Variants in LPP observed in about 807,000 individuals in gnomAD.
The protein encoded by LPP is LIM domain containing preferred translocation partner in lipoma.
A neutral mutation model predicts 60.4 loss-of-function variants in LPP; 38 were observed. That is an observed-to-expected ratio of 0.63 (90% confidence interval 0.49 to 0.83). The LOEUF (loss-of-function observed/expected upper bound fraction) is 0.83, where lower values mean the gene tolerates loss of function less well. Among genes scored for constraint, LPP ranks in the 40% least tolerant of loss-of-function variants. LPP has a pLI of 0.00. For synonymous variants in LPP, 328 were observed against 290.8 expected (o/e 1.13, Z -1.30); for missense variants, 902 against 783.6 (o/e 1.15, Z -1.80).
rs143003983 is a variant in LPP at position 188,751,089 on chromosome 3, A to T, written c.1241-9024A>T. Among the ~76,000 whole-genome samples, 173 of 152,354 alleles carry T rather than the reference A, an allele frequency of 1.1e-3. 2 individuals carry two copies. Among genetic ancestry groups the T allele is most frequent in the African/African-American group, 3.9e-3 (164 of 41,580 alleles). ...ATAAAGCACTAGACAAATATAAGGG[A>T]TGCTTGATGACTTCACAGAGGGAAG... On this transcript the variant is annotated intron_variant, in intron 8 of 11. Coordinates refer to ENST00000617246, the MANE Select transcript of LPP (RefSeq NM_001375462.1).
At chr3:188,163,277 G>A (rs558383016) in intron 1 of LPP, among the ~76,000 whole-genome samples, 2 of 152,196 alleles carry the variant, frequency 1.3e-5, no homozygotes, top group Non-Finnish European at 2.9e-5. Context: ...AGAAACTTGT[G>A]TGGGAACCTT....
intron 5 of LPP, among the ~76,000 whole-genome samples, chr3:188,515,321 G>A (rs1817044371): frequency 6.6e-6 from 1 of 152,056 alleles, no homozygotes; most frequent in Non-Finnish European, 1.5e-5. Flanking sequence ...ATATGACATG[G>A]TAGCTCCCTG....
At chr3:188,728,881 A>G (rs1223174813) in intron 8 of LPP, among the ~76,000 whole-genome samples, 4 of 152,132 alleles carry the variant, frequency 2.6e-5, no homozygotes. Context: ...TTCTGAAAAA[A>G]AAAAAAATGT....
At chr3:188,199,809 G>A (rs938460693) in intron 1 of LPP, among the ~76,000 whole-genome samples, 1 of 151,768 alleles carries the variant, frequency 6.6e-6, no homozygotes, top group Admixed American at 6.6e-5. Context: ...CCCCCTCCCA[G>A]GTTCAAGACA....
At chr3:188,800,544 C>A (rs1195313117) in intron 9 of LPP, among the ~76,000 whole-genome samples, 1 of 152,090 alleles carries the variant, frequency 6.6e-6, no homozygotes, top group Non-Finnish European at 1.5e-5. Flanking sequence ...CACACCCGGC[C>A]AAAACTTTCT....
intron 7 of LPP, among the ~76,000 whole-genome samples, chr3:188,682,674 G>A (rs865868083): frequency 4.3e-4 from 65 of 152,278 alleles, no homozygotes; most frequent in African/African-American, 1.5e-3. Context: ...GTTGGCAAGC[G>A]GAGTAAACAC....
intron 8 of LPP, among the ~76,000 whole-genome samples, chr3:188,715,422 G>T (rs1276969066): frequency 2.1e-5 from 3 of 140,812 alleles, no homozygotes; most frequent in Admixed American, 7.1e-5. Context: ...ATGGGGCGAT[G>T]AAGTAGCTGT....
intron 4 of LPP, among the ~76,000 whole-genome samples, chr3:188,418,879 AG>A (rs1467983915): frequency 1.3e-5 from 2 of 152,286 alleles, no homozygotes; most frequent in Admixed American, 1.3e-4. Context: ...TTCAGATATC[AG>A]GGGTAGTTTT....
At chr3:188,386,990 G>T (rs1778471697) in intron 3 of LPP, among the ~76,000 whole-genome samples, 1 of 152,042 alleles carries the variant, frequency 6.6e-6, no homozygotes, top group South Asian at 2.1e-4. Context: ...AGTCTAGAGA[G>T]CTGGGTTCTA....
At chr3:188,769,453 C>A (rs1287787002) in intron 9 of LPP, among the ~76,000 whole-genome samples, 2 of 152,160 alleles carry the variant, frequency 1.3e-5, no homozygotes, top group African/African-American at 4.8e-5. Context: ...GAGGCACAGA[C>A]CTGTAAGTGG....
intron 9 of LPP, among the ~76,000 whole-genome samples, chr3:188,814,184 T>A (rs1751856757): frequency 6.6e-6 from 1 of 152,152 alleles, no homozygotes; most frequent in African/African-American, 2.4e-5. Context: ...TGTTAATAGA[T>A]GCTAAAGGAC....
chr3:188,538,469 T>C (rs889097207), intron 6 of LPP, among the ~76,000 whole-genome samples: 1 of 152,138 alleles, frequency 6.6e-6, no homozygotes, highest in Admixed American at 6.5e-5. Context: ...ATCAAGGAAA[T>C]GCAAGTCAAA....
At chr3:188,855,826 T>C (rs1034232349) in intron 9 of LPP, among the ~76,000 whole-genome samples, 1 of 152,208 alleles carries the variant, frequency 6.6e-6, no homozygotes, top group Admixed American at 6.5e-5. Context: ...AAATGCTTTG[T>C]ACAAAACTCA....
chr3:188,432,012 T>C (rs1471055206), intron 4 of LPP, among the ~76,000 whole-genome samples: 1 of 152,152 alleles, frequency 6.6e-6, no homozygotes, highest in Non-Finnish European at 1.5e-5. Flanking sequence ...TATACATTCA[T>C]GTTCTTAAGT....
At chr3:188,458,375 T>C (rs996315779) in intron 4 of LPP, among the ~76,000 whole-genome samples, 3 of 152,202 alleles carry the variant, frequency 2.0e-5, no homozygotes, top group African/African-American at 4.8e-5. Flanking sequence ...GCATAGTGCA[T>C]TTTAACTAAT....
At chr3:188,475,678 G>A (rs1481445823) in intron 4 of LPP, among the ~76,000 whole-genome samples, 3 of 152,132 alleles carry the variant, frequency 2.0e-5, no homozygotes, top group African/African-American at 7.2e-5. Context: ...CGAGGCGGGC[G>A]GATCACGAGG....
intron 1 of LPP, among the ~76,000 whole-genome samples, chr3:188,222,477 T>C (rs7627030): frequency 0.027 from 4,066 of 152,282 alleles, 188 homozygotes; most frequent in African/African-American, 0.093. Flanking sequence ...TAGATGATAT[T>C]AACCCTGTTT....
At chr3:188,519,921 G>A (rs796401732) in intron 5 of LPP, among the ~76,000 whole-genome samples, 4 of 152,294 alleles carry the variant, frequency 2.6e-5, no homozygotes, top group African/African-American at 9.6e-5. Flanking sequence ...TCTATCACCT[G>A]TAGTTAGTGG....
At chr3:188,465,451 C>T (rs1192507241) in intron 4 of LPP, among the ~76,000 whole-genome samples, 1 of 152,204 alleles carries the variant, frequency 6.6e-6, no homozygotes, top group Admixed American at 6.5e-5. Flanking sequence ...GCTTAATCCT[C>T]TGGTGTGACT....
Sources: allele counts gnomAD v4.1 joint callset (sites outside exome capture counted in the v4.1 genomes callset), GRCh38; gene constraint gnomAD v4.1.1; transcripts MANE v1.5; gene names NCBI Gene and HGNC (gene_info 2026-07-23, HGNC 2026-07-21).